CEP128: variants seen among roughly 807,000 people sequenced by gnomAD.
CEP128 encodes centrosomal protein 128kDa.
CEP128 carries 132 observed loss-of-function variants against 156.7 expected under a neutral mutation model. The ratio of observed to expected loss-of-function variants is 0.84; its 90% CI spans 0.73 to 0.97. The LOEUF is 0.97. CEP128 is among the 50% of genes least tolerant of loss of function. CEP128 has a pLI of 0.00. For synonymous variants in CEP128, 469 were observed against 448.9 expected, an observed-to-expected ratio of 1.04 and a Z score of -0.57; for missense variants, 1,252 against 1,281.9, an observed-to-expected ratio of 0.98 and a Z score of 0.36.
intron 17 of CEP128, 22 bp from the exon 18 acceptor site, chr14:80,756,973 A>G (rs1312879386): frequency 2.7e-6 from 4 of 1,485,226 alleles, no homozygotes; most frequent in Non-Finnish European, 3.7e-6. Flanking sequence ...AAAACAGTCG[A>G]TTAGAAATAC....
At chr14:80,884,747 C>T (rs1044008802) in intron 8 of CEP128, among the ~76,000 whole-genome samples, 5 of 152,154 alleles carry the variant, frequency 3.3e-5, no homozygotes, top group Admixed American at 1.3e-4. Flanking sequence ...GGGCAGACAC[C>T]GAGCTAGCTG....
intron 8 of CEP128, among the ~76,000 whole-genome samples, chr14:80,868,722 T>G (rs950073552): frequency 6.6e-6 from 1 of 152,084 alleles, no homozygotes; most frequent in African/African-American, 2.4e-5. Flanking sequence ...AGACTTTTTC[T>G]AATGACCCAA....
chr14:80,481,639 A>G (rs1350131539), intron 14 of CEP128, among the ~76,000 whole-genome samples: 1 of 152,182 alleles, frequency 6.6e-6, no homozygotes, highest in Non-Finnish European at 1.5e-5. Flanking sequence ...CAGTTATTCA[A>G]CTTCCTCAGT....
In CEP128 at chr14:80,845,476, A is replaced by G. The variant is rs1886553268; in HGVS notation, c.763-4708T>C. ...GTAGTTTCCTCTCAAAAAGAGATGC[A>G]TAGTTTTATTAGAAATCCAGAGTAA... On this transcript the variant is annotated intron_variant, in intron 9 of 24. Transcript: ENST00000555265. Among the ~76,000 whole-genome samples the G allele has an allele frequency of 3.9e-5, 6 of 152,292 alleles. No individual in the cohort carries two copies. In the South Asian group the frequency reaches 1.2e-3, roughly 32 times the overall value.
intron 19 of CEP128, among the ~76,000 whole-genome samples, chr14:80,721,210 T>C (rs1897805202): frequency 1.3e-5 from 2 of 152,192 alleles, no homozygotes; most frequent in East Asian, 3.8e-4. Context: ...AGGATTAATA[T>C]TAGAGAATAT....
At chr14:80,670,043 C>G (rs1273904803) in intron 19 of CEP128, among the ~76,000 whole-genome samples, 1 of 151,984 alleles carries the variant, frequency 6.6e-6, no homozygotes, top group Non-Finnish European at 1.5e-5. Flanking sequence ...AGGGGAGATG[C>G]CACATATTTT....
At chr14:80,764,354 C>G (rs1198691160) in intron 16 of CEP128, among the ~76,000 whole-genome samples, 1 of 151,618 alleles carries the variant, frequency 6.6e-6, no homozygotes, top group Non-Finnish European at 1.5e-5. Flanking sequence ...AAAAAATTAG[C>G]CGGGCGCGGT....
At chr14:80,750,717 T>G (rs548598193) in intron 18 of CEP128, among the ~76,000 whole-genome samples, 1 of 152,280 alleles carries the variant, frequency 6.6e-6, no homozygotes, top group Non-Finnish European at 1.5e-5. Flanking sequence ...AATAAATCTG[T>G]TTTGTCCTAA....
chr14:80,820,173 T>C (rs1418825617), intron 13 of CEP128, among the ~76,000 whole-genome samples: 1 of 152,228 alleles, frequency 6.6e-6, no homozygotes, highest in Non-Finnish European at 1.5e-5. Flanking sequence ...ATATTAACAA[T>C]AATTATTTTG....
chr14:80,849,179 T>A (rs186172084), intron 9 of CEP128, among the ~76,000 whole-genome samples: 7 of 152,250 alleles, frequency 4.6e-5, no homozygotes, highest in South Asian at 4.1e-4. Flanking sequence ...AGGAAACATA[T>A]AAAGGTTTTA....
intron 20 of CEP128, among the ~76,000 whole-genome samples, chr14:80,560,907 C>A (rs1380585639): frequency 2.0e-5 from 3 of 151,958 alleles, no homozygotes; most frequent in East Asian, 3.9e-4. Context: ...ATATATATAT[C>A]TCCTACTAAT....
At chr14:80,878,916 C>T (rs1322241858) in intron 8 of CEP128, among the ~76,000 whole-genome samples, 2 of 152,182 alleles carry the variant, frequency 1.3e-5, no homozygotes, top group African/African-American at 2.4e-5. Flanking sequence ...CTGTGAACCA[C>T]GTCAGATCCA....
intron 23 of CEP128, among the ~76,000 whole-genome samples, chr14:80,511,878 T>C (rs1206908139): frequency 6.6e-5 from 10 of 152,104 alleles, no homozygotes; most frequent in Non-Finnish European, 1.3e-4. Flanking sequence ...CTGTTTAATT[T>C]CCATGTGTTT....
At chr14:80,725,119 T>G (rs1897971553) in intron 19 of CEP128, among the ~76,000 whole-genome samples, 1 of 150,388 alleles carries the variant, frequency 6.6e-6, no homozygotes, top group African/African-American at 2.4e-5. Flanking sequence ...GTTTTTTCCC[T>G]CTATTGGCAA....
chr14:80,486,327 T>A (rs570936884), downstream of CEP128, among the ~76,000 whole-genome samples: 19 of 151,476 alleles, frequency 1.3e-4, no homozygotes, highest in Middle Eastern at 6.8e-3. Flanking sequence ...GAAAAAAAAA[T>A]AAAAAGAAAC....
At position 80,801,920 on chromosome 14, in the gene CEP128, A is replaced by C. The variant is rs866043672; in HGVS notation, c.1210-8810T>G. Among the ~76,000 whole-genome samples the C allele has an allele frequency of 5.6e-3, 820 of 146,576 alleles. 22 individuals are homozygous for C. The highest frequency in any genetic ancestry group is 0.02 in the African/African-American group (779 of 38,678). Reference sequence around the variant, plus strand: ...GAGACTCTGTCTCCCCAAAAAAAAAAAAAAAAAAAAAAAAAAAGCTCAACA... The same window carrying C: ...GAGACTCTGTCTCCCCAAAAAAAAACAAAAAAAAAAAAAAAAAGCTCAACA... On this transcript the variant is annotated intron_variant, in intron 13 of 24. Coordinates refer to ENST00000555265, the MANE Select transcript of CEP128 (RefSeq NM_152446.5).
chr14:80,706,280 C>T (rs922112595), intron 19 of CEP128, among the ~76,000 whole-genome samples: 1 of 152,088 alleles, frequency 6.6e-6, no homozygotes, highest in Non-Finnish European at 1.5e-5. Context: ...AGAATGAAAT[C>T]TTACAAAGAG....
intron 13 of CEP128, among the ~76,000 whole-genome samples, chr14:80,820,088 T>C (rs1317099806): frequency 6.6e-6 from 1 of 152,228 alleles, no homozygotes; most frequent in African/African-American, 2.4e-5. Flanking sequence ...AATTATATTT[T>C]GGATGTAGGA....
intron 9 of CEP128, among the ~76,000 whole-genome samples, chr14:80,860,444 A>T (rs943566974): frequency 1.3e-5 from 2 of 152,190 alleles, no homozygotes; most frequent in Non-Finnish European, 2.9e-5. Context: ...AGTGGTGGGA[A>T]GCAATCTTTT....
Sources: allele counts gnomAD v4.1 joint callset (sites outside exome capture counted in the v4.1 genomes callset), GRCh38; gene constraint gnomAD v4.1.1; transcripts MANE v1.5; gene names NCBI Gene and HGNC (gene_info 2026-07-23, HGNC 2026-07-21).